The following PCDHA9 variants were observed in gnomAD, a reference collection of about 807,000 sequenced individuals.
The protein encoded by PCDHA9 is protocadherin alpha 9.
In PCDHA9, 62 loss-of-function variants were observed where a neutral mutation model predicts 62.0. That is an observed-to-expected ratio of 1.00 (90% CI 0.81 to 1.23). The LOEUF (loss-of-function observed/expected upper bound fraction) is 1.23, where lower values mean the gene tolerates loss of function less well. Ranked by LOEUF, PCDHA9 falls within the 50% of genes most tolerant of loss-of-function variation. The pLI, the probability that PCDHA9 is intolerant of heterozygous loss-of-function variation, is 0.00. For synonymous variants in PCDHA9, 557 were observed against 567.6 expected, an observed-to-expected ratio of 0.98 and a Z score of 0.27; for missense variants, 1,205 against 1,249.8, an observed-to-expected ratio of 0.96 and a Z score of 0.54.
At chr5:140,857,335 G>T in intron 1 of PCDHA9, 1 of 1,598,584 alleles carries the variant, frequency 6.3e-7, no homozygotes, top group South Asian at 1.1e-5. Flanking sequence ...CGCGGGACGG[G>T]GGCTCGCCTC....
chr5:140,970,096 T>C (rs2096383552), intron 1 of PCDHA9, among the ~76,000 whole-genome samples: 1 of 152,066 alleles, frequency 6.6e-6, no homozygotes, highest in South Asian at 2.1e-4. Flanking sequence ...GGGGGGATGG[T>C]GAAGACCAAG....
intron 3 of PCDHA9, among the ~76,000 whole-genome samples, chr5:140,997,754 G>A (rs1450156263): frequency 6.6e-6 from 1 of 151,922 alleles, no homozygotes; most frequent in Non-Finnish European, 1.5e-5. Context: ...ATCTTCTTGA[G>A]TAAGGATATA....
intron 3 of PCDHA9, among the ~76,000 whole-genome samples, chr5:141,002,620 A>G (rs553505520): frequency 6.8e-4 from 104 of 152,336 alleles, no homozygotes; most frequent in African/African-American, 2.4e-3. Flanking sequence ...CACATAACAC[A>G]GACAGAGATA....
chr5:140,872,610 T>G (rs1270918795), intron 1 of PCDHA9, among the ~76,000 whole-genome samples: 3 of 152,146 alleles, frequency 2.0e-5, no homozygotes, highest in Non-Finnish European at 4.4e-5. Flanking sequence ...AAAATAATTT[T>G]TTTTGCCTGT....
intron 1 of PCDHA9, chr5:140,857,362 C>A: frequency 1.3e-6 from 2 of 1,598,452 alleles, no homozygotes. Flanking sequence ...GGGCCACGGC[C>A]AGCGTGTCTG....
chr5:140,939,269 A>G (rs1167199684), intron 1 of PCDHA9, among the ~76,000 whole-genome samples: 1 of 152,070 alleles, frequency 6.6e-6, no homozygotes, highest in Non-Finnish European at 1.5e-5. Flanking sequence ...CTTTTATGAG[A>G]GCTGTGCCCT....
chr5:140,850,804 T>C lies in PCDHA9; in HGVS notation c.2309T>C (p.Met770Thr), dbSNP rs2150498986. ...GAGGGTAAGCAGAAGACCGACCTCA[T>C]GGCCTTCAGCCCGGGCCTTTCTCCT... ...SGEGKQKTDL[M>T]AFSPGLSPCA... The change falls in exon 1 of 4, where the codon ATG becomes ACG. Residue 770 changes from methionine to threonine, a missense_variant. Met to Thr is a moderately conservative substitution (Grantham distance 81). Transcript: ENST00000532602. The C allele has an allele frequency of 3.1e-6, 5 of 1,598,410 alleles. No homozygotes were observed. The East Asian group carries it at 1.1e-4, about 36-fold the overall frequency.
chr5:140,995,113 A>G (rs560699104), intron 3 of PCDHA9, among the ~76,000 whole-genome samples: 68 of 152,252 alleles, frequency 4.5e-4, no homozygotes, highest in Non-Finnish European at 8.4e-4. Flanking sequence ...CAAGACCCTC[A>G]GTGGATGCCT....
At chr5:140,989,744 T>C (rs1354218140) in intron 3 of PCDHA9, among the ~76,000 whole-genome samples, 1 of 152,200 alleles carries the variant, frequency 6.6e-6, no homozygotes, top group Non-Finnish European at 1.5e-5. Context: ...CATTGCCTAA[T>C]CTGGAGAAAC....
At chr5:140,972,750 G>A (rs2096554223) in intron 1 of PCDHA9, among the ~76,000 whole-genome samples, 2 of 143,042 alleles carry the variant, frequency 1.4e-5, no homozygotes, top group South Asian at 2.2e-4. Context: ...TGCAACCTCC[G>A]CCTCCCAAGT....
chr5:140,934,534 G>A (rs1248269957), intron 1 of PCDHA9, among the ~76,000 whole-genome samples: 1 of 152,062 alleles, frequency 6.6e-6, no homozygotes, highest in Admixed American at 6.6e-5. Flanking sequence ...GAGAGCTACC[G>A]TTCTAATTCT....
At chr5:140,980,113 C>T (rs2096877031) in intron 2 of PCDHA9, among the ~76,000 whole-genome samples, 1 of 152,096 alleles carries the variant, frequency 6.6e-6, no homozygotes, top group African/African-American at 2.4e-5. Context: ...ACATTGGAAC[C>T]TGGGTCATAA....
At chr5:140,955,043 T>C (rs1285355120) in intron 1 of PCDHA9, among the ~76,000 whole-genome samples, 1 of 152,176 alleles carries the variant, frequency 6.6e-6, no homozygotes, top group Non-Finnish European at 1.5e-5. Context: ...CTTTTCCTCA[T>C]TGCTTGTTTT....
At chr5:140,991,569 A>G (rs1157834136) in intron 3 of PCDHA9, among the ~76,000 whole-genome samples, 4 of 152,188 alleles carry the variant, frequency 2.6e-5, no homozygotes, top group Admixed American at 6.5e-5. Flanking sequence ...GTTTCCAATA[A>G]CAGGCTCCTT....
At chr5:140,980,397 C>T (rs888776890) in intron 2 of PCDHA9, among the ~76,000 whole-genome samples, 3 of 152,100 alleles carry the variant, frequency 2.0e-5, no homozygotes, top group South Asian at 2.1e-4. Context: ...TTTGGGAGGC[C>T]GAGGTGGGCA....
At chr5:140,851,741 G>A in intron 1 of PCDHA9, 1 of 972,212 alleles carries the variant, frequency 1.0e-6, no homozygotes, top group Non-Finnish European at 1.2e-6. Context: ...TTGAAATTCA[G>A]AGTCTGTAAC....
intron 1 of PCDHA9, chr5:140,852,112 T>C: frequency 1.1e-6 from 1 of 910,156 alleles, no homozygotes; most frequent in Non-Finnish European, 1.3e-6. Flanking sequence ...TTACAAGGTA[T>C]GACCTAATTA....
chr5:140,851,389 TCTATTATTTTAATAA>T, intron 1 of PCDHA9: 2 of 974,212 alleles, frequency 2.1e-6, no homozygotes, highest in Non-Finnish European at 2.5e-6. Flanking sequence ...ACCTTCAGTA[TCTATTATTTTAATAA>T]GAAAGAAACT....
intron 3 of PCDHA9, among the ~76,000 whole-genome samples, chr5:140,987,333 T>C (rs1470731690): frequency 6.6e-6 from 1 of 152,158 alleles, no homozygotes; most frequent in East Asian, 1.9e-4. Context: ...TAAGAACTGG[T>C]CTAAGGTAAA....
Sources: allele counts gnomAD v4.1 joint callset (sites outside exome capture counted in the v4.1 genomes callset), GRCh38; gene constraint gnomAD v4.1.1; transcripts MANE v1.5; gene names NCBI Gene and HGNC (gene_info 2026-07-23, HGNC 2026-07-21).